Variants in TOGARAM2 observed in about 807,000 individuals in gnomAD.
TOGARAM2 encodes TOG array regulator of axonemal microtubules 2.
Under a neutral mutation model 93.3 loss-of-function variants are expected in TOGARAM2, and 85 were observed. The observed-to-expected ratio is 0.91, with a 90% CI of 0.76 to 1.09. The LOEUF (loss-of-function observed/expected upper bound fraction) is 1.09. Ranked by LOEUF, TOGARAM2 falls within the 50% of genes least tolerant of loss-of-function variation. The pLI is 0.00. For missense variants in TOGARAM2, 1,277 were observed against 1,334.5 expected (o/e 0.96, Z 0.67); for synonymous variants, 593 against 552.8 (o/e 1.07, Z -1.02).
chr2:29,024,266 C>G lies in TOGARAM2; in HGVS notation c.1745C>G (p.Ala582Gly), dbSNP rs772815142. 3 of 1,612,744 alleles carry G rather than the reference C, an allele frequency of 1.9e-6. No individual in the cohort carries two copies. Among genetic ancestry groups the G allele is most frequent in the Non-Finnish European group, 2.5e-6 (3 of 1,179,384 alleles). Residue 582 changes from alanine to glycine, a missense_variant, in exon 13 of 20, where the codon GCG (alanine) becomes GGG (glycine). Ala to Gly is a moderately conservative substitution (Grantham distance 60, BLOSUM62 0). Transcript: ENST00000379558. ...EIARCLLQKM[A>G]DTNEFIQRAA... ...GCCCGCTGCTTGCTGCAGAAGATGGCGGACACCAACGAGTTCATCCAGAGA... is the reference window on the plus strand; with the variant it reads ...GCCCGCTGCTTGCTGCAGAAGATGGGGGACACCAACGAGTTCATCCAGAGA...
intron 17 of TOGARAM2, 44 bp from the exon 18 acceptor site, chr2:29,036,497 C>A (rs764436910): frequency 6.2e-7 from 1 of 1,604,290 alleles, no homozygotes; most frequent in Non-Finnish European, 8.5e-7. Flanking sequence ...GAGTCCTGCC[C>A]AGCCTGGGTT....
At chr2:29,033,362 T>G in intron 15 of TOGARAM2, 107 bp from the exon 16 acceptor site, 1 of 1,061,618 alleles carries the variant, frequency 9.4e-7, no homozygotes, top group East Asian at 2.6e-5. Context: ...TCTGAAGCTC[T>G]CCTAGGTGGA....
At chr2:28,998,120 C>T (rs1447134492) in intron 2 of TOGARAM2, 23 bp from the exon 3 acceptor site, 10 of 1,540,776 alleles carry the variant, frequency 6.5e-6, no homozygotes, top group African/African-American at 1.4e-5. Flanking sequence ...TCAGGTGCTG[C>T]TCTCCTGTGC....
chr2:29,017,158 A>G lies in TOGARAM2; in HGVS notation c.1049A>G (p.Gln350Arg). Residue 350 changes from glutamine (Q) to arginine (R), a missense_variant, in exon 9 of 20, where the codon CAA (glutamine) becomes CGA (arginine). Gln to Arg is a conservative substitution (Grantham distance 43). Transcript: ENST00000379558. ...EDQKEIGTKIQVTISKSAREK... is the reference protein window; with the variant it reads ...EDQKEIGTKIRVTISKSAREK... ...TTTGCCTTGACCTTGTGCCAGATCCAAGTCACCATCTCCAAGTCTGCCCGG... is the reference window on the plus strand; with the variant it reads ...TTTGCCTTGACCTTGTGCCAGATCCGAGTCACCATCTCCAAGTCTGCCCGG... The G allele has an allele frequency of 1.2e-5, 20 of 1,612,804 alleles. No individual in the cohort carries two copies. Among genetic ancestry groups the G allele is most frequent in the Non-Finnish European group, 1.5e-5 (18 of 1,179,422 alleles).
intron 18 of TOGARAM2, among the ~76,000 whole-genome samples, chr2:29,041,316 G>T (rs532683573): frequency 1.3e-5 from 2 of 152,072 alleles, no homozygotes; most frequent in African/African-American, 4.8e-5. Flanking sequence ...GAGCCATTGC[G>T]CCCGGCCTTG....
At chr2:29,003,329 C>G (rs1266983004) in intron 5 of TOGARAM2, among the ~76,000 whole-genome samples, 163 bp from the exon 6 acceptor site, 1 of 152,234 alleles carries the variant, frequency 6.6e-6, no homozygotes, top group African/African-American at 2.4e-5. Context: ...GCTTGCCAGT[C>G]TCCTCACCAG....
At chr2:28,971,994 C>T (rs997637781) in intron 1 of TOGARAM2, among the ~76,000 whole-genome samples, 2 of 152,202 alleles carry the variant, frequency 1.3e-5, no homozygotes, top group Non-Finnish European at 2.9e-5. Context: ...GCTTCATACT[C>T]TATCCCTTAT....
chr2:29,034,606 C>A (rs980865242), intron 16 of TOGARAM2, among the ~76,000 whole-genome samples: 20 of 152,328 alleles, frequency 1.3e-4, no homozygotes, highest in Non-Finnish European at 2.8e-4. Flanking sequence ...AGGGCATGAG[C>A]CAGTGACCCA....
intron 14 of TOGARAM2, among the ~76,000 whole-genome samples, chr2:29,027,868 G>C (rs1665504814): frequency 6.6e-6 from 1 of 152,116 alleles, no homozygotes; most frequent in Admixed American, 6.5e-5. Flanking sequence ...TGGTGTCCAA[G>C]GGTGGGGACG....
chr2:29,022,698 G>A (rs1032499690), intron 11 of TOGARAM2, among the ~76,000 whole-genome samples: 2 of 152,172 alleles, frequency 1.3e-5, no homozygotes, highest in South Asian at 2.1e-4. Context: ...ATGCAGGACC[G>A]TAGTCATGAG....
intron 6 of TOGARAM2, among the ~76,000 whole-genome samples, chr2:29,005,739 A>ATGTGTGTGTGAGTGCATGTGTGGAG (rs1663711223): frequency 8.2e-6 from 1 of 121,264 alleles, no homozygotes; most frequent in Non-Finnish European, 1.7e-5. Flanking sequence ...GTGTGAGCAC[A>ATGTGTGTGTGAGTGCATGTGTGGAG]TATATGTGTG....
intron 1 of TOGARAM2, among the ~76,000 whole-genome samples, chr2:28,992,104 A>C (rs1332040868): frequency 6.6e-6 from 1 of 152,062 alleles, no homozygotes; most frequent in Non-Finnish European, 1.5e-5. Context: ...GCCTCGGTGA[A>C]TTGTGCCTTG....
intron 16 of TOGARAM2, 42 bp from the exon 17 acceptor site, chr2:29,035,422 G>A: frequency 1.5e-6 from 2 of 1,293,650 alleles, no homozygotes; most frequent in Non-Finnish European, 2.0e-6. Flanking sequence ...CATTCCCCCG[G>A]GCTCTTCCCT....
At chr2:29,026,652 C>T (rs1665389128) in intron 13 of TOGARAM2, among the ~76,000 whole-genome samples, 1 of 152,216 alleles carries the variant, frequency 6.6e-6, no homozygotes, top group South Asian at 2.1e-4. Context: ...CCTTCCCTCT[C>T]CCGTTGTTGC....
intron 6 of TOGARAM2, among the ~76,000 whole-genome samples, chr2:29,010,890 C>T (rs1390597968): frequency 1.3e-5 from 2 of 152,178 alleles, no homozygotes; most frequent in Non-Finnish European, 2.9e-5. Flanking sequence ...TGTCTTCCCC[C>T]TCCTGTGGGT....
chr2:28,977,869 G>A (rs560601244), upstream of TOGARAM2, among the ~76,000 whole-genome samples: 26 of 152,112 alleles, frequency 1.7e-4, no homozygotes, highest in South Asian at 5.2e-3. Flanking sequence ...CACGTGGGTG[G>A]GAATTGGCCA....
At chr2:28,982,600 G>C (rs1021693519) in intron 1 of TOGARAM2, among the ~76,000 whole-genome samples, 1 of 152,138 alleles carries the variant, frequency 6.6e-6, no homozygotes, top group African/African-American at 2.4e-5. Flanking sequence ...TTGAAGAAAG[G>C]GGGAGGTAGT....
At chr2:29,047,763 G>C (rs370154379) in intron 19 of TOGARAM2, 40 of 152,402 alleles carry the variant, frequency 2.6e-4, no homozygotes, top group African/African-American at 9.1e-4. Context: ...GTTTGGGTGG[G>C]GACTGCTACT....
chr2:29,005,920 T>TGA (rs1663748245), intron 6 of TOGARAM2, among the ~76,000 whole-genome samples: 1 of 147,880 alleles, frequency 6.8e-6, no homozygotes, highest in African/African-American at 2.6e-5. Flanking sequence ...TGTAAGTGCA[T>TGA]GTGTGTGGAG....
Sources: gnomAD v4.1 joint callset for allele counts (sites outside exome capture counted in the v4.1 genomes callset) on GRCh38, gnomAD v4.1.1 for gene constraint, MANE v1.5 for transcripts, NCBI Gene and HGNC (gene_info 2026-07-23, HGNC 2026-07-21) for gene names.